The following MAPK8IP3 variants were observed in gnomAD, a reference collection of about 807,000 sequenced individuals.
MAPK8IP3 encodes the protein C-Jun-amino-terminal kinase-interacting protein 3.
A neutral mutation model predicts 157.8 loss-of-function variants in MAPK8IP3; 49 were observed. That is an observed-to-expected ratio of 0.31 (90% confidence interval 0.25 to 0.39). The LOEUF is 0.39. MAPK8IP3 is among the 10% of genes least tolerant of loss of function. MAPK8IP3 has a pLI of 1.00. For synonymous variants in MAPK8IP3, 897 were observed against 777.7 expected (o/e 1.15, Z -2.55); for missense variants, 1,478 against 1,889.4 (o/e 0.78, Z 4.04).
At chr16:1,739,144 G>T (rs2040395353) in intron 4 of MAPK8IP3, among the ~76,000 whole-genome samples, 2 of 138,550 alleles carry the variant, frequency 1.4e-5, no homozygotes, top group South Asian at 2.8e-4. Context: ...GACCGTCCGT[G>T]TGTGTGACCA....
chr16:1,737,892 G>A (rs1307819978), intron 4 of MAPK8IP3, among the ~76,000 whole-genome samples: 3 of 65,286 alleles, frequency 4.6e-5, no homozygotes, highest in Admixed American at 1.9e-4. Context: ...GTGAGCATCC[G>A]TGTGAGCGTG....
At chr16:1,738,219 C>G (rs1446106389) in intron 4 of MAPK8IP3, among the ~76,000 whole-genome samples, 2 of 77,994 alleles carry the variant, frequency 2.6e-5, no homozygotes, top group Non-Finnish European at 4.6e-5. Context: ...TGTGACCATC[C>G]GTGTGAGAGT....
chr16:1,769,403 C>T lies in MAPK8IP3; in HGVS notation c.*579C>T, dbSNP rs1307680906. On this transcript the variant is annotated 3_prime_UTR_variant, in exon 32 of 32. Transcript: ENST00000610761. Reference sequence around the variant, plus strand: ...GTCGTCAAGCCTCTATCCTGTCTGTCCCCACCCCAGCTGTCCCCTGCCCAG... The same window carrying T: ...GTCGTCAAGCCTCTATCCTGTCTGTTCCCACCCCAGCTGTCCCCTGCCCAG... The T allele has an allele frequency of 6.4e-6, 1 of 155,250 alleles. No homozygotes were observed. The highest frequency in any genetic ancestry group is 1.9e-4 in the East Asian group (1 of 5,184). 9.6% of individuals were successfully genotyped at this position (155,250 alleles called of 1,614,324 possible).
Position 1,754,135 on chromosome 16 carries a change from C to T in MAPK8IP3, c.1217-4013C>T, listed in dbSNP as rs531826265. On this transcript the variant is annotated intron_variant, in intron 8 of 31. Transcript: ENST00000610761. ...TTGCAGTGAGCCGAGATCGCACCAC[C>T]GCACTGCAGCCTGGGCAGTAAGAGC... Among the ~76,000 whole-genome samples, 47 of 151,038 alleles carry T rather than the reference C, an allele frequency of 3.1e-4. No individual in the cohort carries two copies. In the South Asian group the frequency reaches 9.3e-3, roughly 30 times the overall value.
At position 1,768,623 on chromosome 16, in the gene MAPK8IP3, A is replaced by G. The variant is rs913820368; in HGVS notation, c.3889A>G (p.Ile1297Val). 2 of 1,603,506 alleles carry G rather than the reference A, an allele frequency of 1.2e-6. No individual in the cohort carries two copies. The highest frequency in any genetic ancestry group is 2.2e-5 in the East Asian group (1 of 44,502). The change falls in exon 31 of 32, where the codon ATT becomes GTT. Residue 1297 changes from isoleucine (I) to valine (V), a missense_variant. Coordinates refer to ENST00000610761, the MANE Select transcript of MAPK8IP3 (RefSeq NM_001318852.2). ...CGGGGAGGGCTACATCGACTTCCGC[A>G]TTGGTGAGCGGGGCCCAGGGACAGG... Reference protein sequence around the residue: ...SGGEGYIDFRIGDGEDDETEE... With the variant: ...SGGEGYIDFRVGDGEDDETEE...
chr16:1,754,751 T>TC (rs771573544), intron 8 of MAPK8IP3, among the ~76,000 whole-genome samples: 30 of 138,248 alleles, frequency 2.2e-4, no homozygotes. Context: ...AGAGCGAGAC[T>TC]CCGTCTCAAA....
Position 1,767,684 on chromosome 16 carries a change from C to G in MAPK8IP3, c.3358C>G (p.His1120Asp). 1.2e-6 allele frequency: 2 copies of G among 1,612,822 alleles called. No homozygotes were observed. The highest frequency in any genetic ancestry group is 1.7e-6 in the Non-Finnish European group (2 of 1,179,974). ...STLRLYHAHT[H>D]QHLQDVDIEP... ...CCTGAGGCTCTACCATGCACACACG[C>G]ACCAGCATCTACAGGACGTGGACAT... Residue 1120 changes from histidine to aspartate, a missense_variant, in exon 27 of 32, where the codon CAC becomes GAC. Coordinates refer to ENST00000610761, the MANE Select transcript of MAPK8IP3 (RefSeq NM_001318852.2).
chr16:1,738,593 T>A (rs1186172524), intron 4 of MAPK8IP3, among the ~76,000 whole-genome samples: 21 of 138,484 alleles, frequency 1.5e-4, no homozygotes, highest in Admixed American at 3.6e-4. Flanking sequence ...ACCATCCATG[T>A]GAGCATCTGT....
At chr16:1,763,057 CCT>C in intron 16 of MAPK8IP3, 51 bp downstream of exon 16, 1 of 1,602,786 alleles carries the variant, frequency 6.2e-7, no homozygotes, top group Non-Finnish European at 8.5e-7. Context: ...TTGGGGAGGC[CCT>C]GTCCTGAGGC....
At chr16:1,764,882 G>C in intron 19 of MAPK8IP3, 131 bp from the exon 20 acceptor site, 1 of 853,856 alleles carries the variant, frequency 1.2e-6, no homozygotes, top group Non-Finnish European at 1.8e-6. Flanking sequence ...GGTCCTGGGG[G>C]AGGACAGCCA....
intron 11 of MAPK8IP3, 108 bp from the exon 12 acceptor site, chr16:1,760,272 A>C: frequency 7.0e-7 from 1 of 1,423,940 alleles, no homozygotes; most frequent in Non-Finnish European, 9.6e-7. Flanking sequence ...CACCTTCCTA[A>C]CCAGGCTGTG....
chr16:1,746,654 C>T lies in MAPK8IP3; in HGVS notation c.748-375C>T, dbSNP rs186149079. Reference sequence around the variant, plus strand: ...TTGGGTCCCCAGTCAGAGCCCTCTGCCCTACCTGGGCTGGACTTGTTTCTG... The same window carrying T: ...TTGGGTCCCCAGTCAGAGCCCTCTGTCCTACCTGGGCTGGACTTGTTTCTG... On this transcript the variant is annotated intron_variant, in intron 5 of 31. Transcript: ENST00000610761. The T allele has an allele frequency of 3.7e-3, 866 of 236,870 alleles. 6 individuals are homozygous for T. Among genetic ancestry groups the T allele is most frequent in the African/African-American group, 0.018 (806 of 44,060 alleles). The allele number at this position is 236,870 out of a possible 1,614,324, so 14.7% of individuals were successfully genotyped here.
At chr16:1,760,240 G>A in intron 11 of MAPK8IP3, 140 bp from the exon 12 acceptor site, 2 of 1,144,836 alleles carry the variant, frequency 1.7e-6, no homozygotes, top group Non-Finnish European at 2.5e-6. Context: ...AGCTAAGATG[G>A]GGATGGGGTC....
In MAPK8IP3 at chr16:1,741,890, C is replaced by T. The variant is rs1251865948; in HGVS notation, c.603-1442C>T. ...CCAGTCCCCAGAGCTGTATGCACCC[C>T]ACAAAGAGACCCCTTCCCAGGGTCA... On this transcript the variant is annotated intron_variant, in intron 4 of 31. Transcript: ENST00000610761. This position sits in a 1 kb window ranked among gnomAD's most constrained non-coding sequence, Gnocchi z 6.9. 6.6e-6 allele frequency among the ~76,000 whole-genome samples: 1 copy of T among 152,164 alleles called. No individual in the cohort carries two copies. The highest frequency in any genetic ancestry group is 1.5e-5 in the Non-Finnish European group (1 of 68,024).
Position 1,724,272 on chromosome 16 carries a change from C to T in MAPK8IP3, c.319-285C>T, listed in dbSNP as rs548288960. Reference sequence around the variant, plus strand: ...CCACGAAGGCAGCCGTAATTGGAAACAACAGGCTCCCTTCACAGCAAATCC... The same window carrying T: ...CCACGAAGGCAGCCGTAATTGGAAATAACAGGCTCCCTTCACAGCAAATCC... On this transcript the variant is annotated intron_variant, in intron 1 of 31. Transcript: ENST00000610761. This position sits in a 1 kb window ranked among gnomAD's most constrained non-coding sequence, Gnocchi z 4.1. Among the ~76,000 whole-genome samples the T allele has an allele frequency of 1.3e-5, 2 of 152,272 alleles. No homozygotes were observed. The highest frequency in any genetic ancestry group is 2.9e-5 in the Non-Finnish European group (2 of 68,050).
chr16:1,767,387 C>T (rs1442929250), intron 26 of MAPK8IP3, 90 bp downstream of exon 26: 3 of 1,563,274 alleles, frequency 1.9e-6, no homozygotes, highest in South Asian at 1.2e-5. Flanking sequence ...CCACGAGGCC[C>T]TACGTGGGTC....
rs1340349893 is a variant in MAPK8IP3 at position 1,737,471 on chromosome 16, C to T, written c.603-5861C>T. On this transcript the variant is annotated intron_variant, in intron 4 of 31. Coordinates refer to ENST00000610761, the MANE Select transcript of MAPK8IP3 (RefSeq NM_001318852.2). ...GTGTGAGTGTGACCACCCATGTGAG[C>T]ATCTGTGTGACCGTCCGTGTGAGCG... is the stretch of plus-strand genomic sequence containing the variant. 6.6e-5 allele frequency among the ~76,000 whole-genome samples: 5 copies of T among 76,288 alleles called. 2 individuals are homozygous for T. Among genetic ancestry groups the T allele is most frequent in the Non-Finnish European group, 1.2e-4 (5 of 40,928 alleles). 50.0% of individuals were successfully genotyped at this position (76,288 alleles called of 152,430 possible). A position where few individuals can be genotyped will look rare whatever the true frequency, so the allele number is the denominator to read the frequency against.
chr16:1,768,390 C>T lies in MAPK8IP3; in HGVS notation c.3742+12C>T, dbSNP rs1358523684. 2 of 1,598,126 alleles carry T rather than the reference C, an allele frequency of 1.3e-6. No individual in the cohort carries two copies. The highest frequency in any genetic ancestry group is 1.7e-5 in the Admixed American group (1 of 59,852). On this transcript the variant is annotated intron_variant, in intron 30 of 31. Transcript: ENST00000610761. ...TGTCTCGGTGCCAGGTGAGGCTGGG[C>T]CCCTCCTGCCATCCACATCCCCTGC...
In MAPK8IP3 at chr16:1,715,732, A is replaced by AT. The variant is rs886713875; in HGVS notation, c.319-8811dup. On this transcript the variant is annotated intron_variant, in intron 1 of 31. Coordinates refer to ENST00000610761, the MANE Select transcript of MAPK8IP3 (RefSeq NM_001318852.2). ...CAAACGTATGAGAGGAGAGGTTTGG[A>AT]TTTTTTTTTTTTTTGAGATGGAGTC... 3.4e-3 allele frequency among the ~76,000 whole-genome samples: 493 copies of AT among 144,094 alleles called. 2 individuals are homozygous for AT. Among genetic ancestry groups the AT allele is most frequent in the African/African-American group, 6.8e-3 (270 of 39,486 alleles). The allele number at this position is 144,094 out of a possible 152,430, so 94.5% of individuals were successfully genotyped here.
Sources: gnomAD v4.1 joint callset for allele counts (sites outside exome capture counted in the v4.1 genomes callset) on GRCh38, gnomAD v4.1.1 for gene constraint, Gnocchi (gnomAD v3.1) non-coding constraint, MANE v1.5 for transcripts, NCBI Gene and HGNC (gene_info 2026-07-23, HGNC 2026-07-21) for gene names.